The following CTCF variants were observed in gnomAD, a reference collection of about 807,000 sequenced individuals.
CTCF encodes the protein CCCTC-binding factor.
CTCF carries 7 observed loss-of-function variants against 72.3 expected under a neutral mutation model. The ratio of observed to expected loss-of-function variants is 0.10; its 90% CI spans 0.06 to 0.18. CTCF has a LOEUF of 0.18. CTCF is among the 10% of genes least tolerant of loss of function. CTCF has a pLI of 1.00. For missense variants in CTCF, 516 were observed against 949.1 expected, an observed-to-expected ratio of 0.54 and a Z score of 6.00; for synonymous variants, 374 against 315.8, an observed-to-expected ratio of 1.18 and a Z score of -1.95.
At chr16:67,632,234 C>A (rs1249121058) in intron 10 of CTCF, among the ~76,000 whole-genome samples, 1 of 152,160 alleles carries the variant, frequency 6.6e-6, no homozygotes, top group Non-Finnish European at 1.5e-5. Flanking sequence ...CAGACTCTGT[C>A]CTATGTCCTG....
chr16:67,613,037 C>G (rs1456018749), intron 4 of CTCF, among the ~76,000 whole-genome samples: 2 of 152,196 alleles, frequency 1.3e-5, no homozygotes, highest in Non-Finnish European at 2.9e-5. Flanking sequence ...TCTGATAATT[C>G]AAACATTTAT....
intron 7 of CTCF, among the ~76,000 whole-genome samples, chr16:67,623,078 C>T (rs2052226347): frequency 6.6e-6 from 1 of 151,540 alleles, no homozygotes; most frequent in South Asian, 2.1e-4. Flanking sequence ...TCTCCTGCCT[C>T]AGCCTCCCAA....
intron 2 of CTCF, among the ~76,000 whole-genome samples, chr16:67,573,799 A>G (rs145289948): frequency 6.6e-6 from 1 of 152,194 alleles, no homozygotes; most frequent in Admixed American, 6.6e-5. Context: ...TTGGGAGGCC[A>G]AGGTGGGCAG....
chr16:67,628,331 TGAGCA>T (rs771967124), intron 8 of CTCF, 34 bp from the exon 9 acceptor site: 1 of 1,590,924 alleles, frequency 6.3e-7, no homozygotes, highest in Non-Finnish European at 8.6e-7. Context: ...AGTAGCCCCA[TGAGCA>T]GGCTCTGAGG....
At chr16:67,591,579 A>G (rs2051744553) in intron 2 of CTCF, among the ~76,000 whole-genome samples, 2 of 152,196 alleles carry the variant, frequency 1.3e-5, no homozygotes, top group Admixed American at 1.3e-4. Flanking sequence ...AGCAGAGTAA[A>G]ATGGTTATTT....
At chr16:67,594,967 A>G (rs2051792657) in intron 2 of CTCF, among the ~76,000 whole-genome samples, 1 of 152,216 alleles carries the variant, frequency 6.6e-6, no homozygotes, top group Non-Finnish European at 1.5e-5. Context: ...GACATCAGAT[A>G]CTGATATAGA....
intron 7 of CTCF, among the ~76,000 whole-genome samples, chr16:67,624,069 A>ATGTGTGTGTGTG (rs1482127509): frequency 7.7e-5 from 7 of 91,502 alleles, no homozygotes; most frequent in East Asian, 3.9e-4. Flanking sequence ...AAAAAATTAT[A>ATGTGTGTGTGTG]TATGTGTGTG....
intron 2 of CTCF, among the ~76,000 whole-genome samples, chr16:67,597,059 G>T (rs1406999060): frequency 6.6e-6 from 1 of 151,336 alleles, no homozygotes; most frequent in Non-Finnish European, 1.5e-5. Context: ...TTTGAGACAG[G>T]GTCTCACTCT....
At chr16:67,579,022 AG>A (rs2051543417) in intron 2 of CTCF, among the ~76,000 whole-genome samples, 1 of 151,948 alleles carries the variant, frequency 6.6e-6, no homozygotes, top group Non-Finnish European at 1.5e-5. Flanking sequence ...TGGGAGGCCA[AG>A]GTGCGTGGAT....
chr16:67,582,692 C>CA (rs1293497708), intron 2 of CTCF, among the ~76,000 whole-genome samples: 1 of 151,664 alleles, frequency 6.6e-6, no homozygotes, highest in Non-Finnish European at 1.5e-5. Context: ...GACTCTGTGT[C>CA]AAAAAAATAA....
At chr16:67,637,575 C>CT in intron 11 of CTCF, 113 bp from the exon 12 acceptor site, 3 of 806,410 alleles carry the variant, frequency 3.7e-6, no homozygotes. Flanking sequence ...GGACCGCTAT[C>CT]TAATAAGGCT....
intron 1 of CTCF, 35 bp from the exon 2 acceptor site, chr16:67,571,112 TA>T (rs1275603014): frequency 6.6e-6 from 1 of 152,514 alleles, no homozygotes; most frequent in South Asian, 2.1e-4. Context: ...TGTATGAATT[TA>T]GTGTTTCATA....
chr16:67,610,757 T>C (rs994635881), intron 2 of CTCF, 67 bp from the exon 3 acceptor site: 2 of 1,221,666 alleles, frequency 1.6e-6, no homozygotes, highest in African/African-American at 1.5e-5. Flanking sequence ...CTTTTTGTTT[T>C]AAAATGTATA....
At chr16:67,625,073 C>T (rs115533439) in intron 7 of CTCF, among the ~76,000 whole-genome samples, 7 of 152,194 alleles carry the variant, frequency 4.6e-5, no homozygotes, top group African/African-American at 1.7e-4. Flanking sequence ...CACAGGTGTA[C>T]GCCACCATGC....
intron 10 of CTCF, among the ~76,000 whole-genome samples, chr16:67,629,746 CTTTTT>C (rs71145978): frequency 6.3e-5 from 4 of 63,356 alleles, no homozygotes; most frequent in African/African-American, 1.9e-4. Context: ...CATTAATGCC[CTTTTT>C]TTTTTTTTTT....
intron 2 of CTCF, among the ~76,000 whole-genome samples, chr16:67,578,677 G>A (rs1195558628): frequency 6.6e-6 from 1 of 151,804 alleles, no homozygotes; most frequent in African/African-American, 2.4e-5. Context: ...GCCGGGCATG[G>A]TGTCTCACGC....
chr16:67,620,198 A>G (rs1247662437), intron 5 of CTCF, among the ~76,000 whole-genome samples: 1 of 151,230 alleles, frequency 6.6e-6, no homozygotes, highest in Non-Finnish European at 1.5e-5. Flanking sequence ...AACAGTTACT[A>G]GTAATGCGCA....
chr16:67,575,205 C>T (rs2051479609), intron 2 of CTCF, among the ~76,000 whole-genome samples: 1 of 152,168 alleles, frequency 6.6e-6, no homozygotes, highest in African/African-American at 2.4e-5. Flanking sequence ...GCCGTGGTCC[C>T]ACCACTGCAT....
At chr16:67,609,220 C>T (rs1052158065) in intron 2 of CTCF, among the ~76,000 whole-genome samples, 1 of 152,160 alleles carries the variant, frequency 6.6e-6, no homozygotes, top group African/African-American at 2.4e-5. Context: ...TAAGCTAATT[C>T]ATATATGCAT....
Sources: allele counts gnomAD v4.1 joint callset (sites outside exome capture counted in the v4.1 genomes callset), GRCh38; gene constraint gnomAD v4.1.1; transcripts MANE v1.5; gene names NCBI Gene and HGNC (gene_info 2026-07-23, HGNC 2026-07-21).